Variants in GFOD2 observed in about 807,000 individuals in gnomAD.
The protein encoded by GFOD2 is Gfo/Idh/MocA-like oxidoreductase domain containing 2.
A neutral mutation model predicts 24.6 loss-of-function variants in GFOD2; 9 were observed. The ratio of observed to expected loss-of-function variants is 0.37; its 90% CI spans 0.22 to 0.64. The LOEUF is 0.64. Ranked by LOEUF, GFOD2 falls within the 30% of genes least tolerant of loss-of-function variation. The pLI is 0.65. For synonymous variants in GFOD2, 211 were observed against 224.8 expected, an observed-to-expected ratio of 0.94 and a Z score of 0.55; for missense variants, 476 against 532.5, an observed-to-expected ratio of 0.89 and a Z score of 1.04.
intron 1 of GFOD2, among the ~76,000 whole-genome samples, chr16:67,695,138 A>G (rs1226631823): frequency 6.6e-6 from 1 of 151,938 alleles, no homozygotes; most frequent in Non-Finnish European, 1.5e-5. Context: ...CTGGGGTTAC[A>G]GGCACACGCC....
chr16:67,697,019 T>G (rs2053364346), intron 1 of GFOD2, among the ~76,000 whole-genome samples: 1 of 152,190 alleles, frequency 6.6e-6, no homozygotes, highest in Admixed American at 6.5e-5. Context: ...ATCCTTCAGA[T>G]GCCTCCAAAG....
At chr16:67,677,456 C>T (rs901924951) in intron 2 of GFOD2, 2 of 152,216 alleles carry the variant, frequency 1.3e-5, no homozygotes, top group Non-Finnish European at 2.9e-5. Context: ...GGTGATCCAC[C>T]CGCCTTGGCC....
chr16:67,677,361 C>T (rs774838489), intron 2 of GFOD2: 5 of 152,192 alleles, frequency 3.3e-5, no homozygotes, highest in Non-Finnish European at 5.9e-5. Flanking sequence ...CAGGTGCCCA[C>T]CACCACGCCC....
intron 1 of GFOD2, among the ~76,000 whole-genome samples, chr16:67,686,874 T>C (rs2053270923): frequency 6.7e-6 from 1 of 150,256 alleles, no homozygotes; most frequent in Admixed American, 6.6e-5. Context: ...AGGCCGGGCG[T>C]GGTGGCTCAT....
Position 67,675,022 on chromosome 16 carries a change from G to T in GFOD2, c.*133C>A. ...AGCCACTGGAGGGGGCGAAGTCCCA[G>T]AGCCACCTCTGGCTTCACCCAGACT... is the stretch of plus-strand genomic sequence containing the variant. On this transcript the variant is annotated 3_prime_UTR_variant, in exon 3 of 3. Transcript: ENST00000268797. 9.5e-7 allele frequency: 1 copy of T among 1,048,660 alleles called. No individual in the cohort carries two copies. The highest frequency in any genetic ancestry group is 1.4e-6 in the Non-Finnish European group (1 of 722,494). The allele number at this position is 1,048,660 out of a possible 1,614,324, so 65.0% of individuals were successfully genotyped here.
At chr16:67,691,026 C>A (rs899996003) in intron 1 of GFOD2, among the ~76,000 whole-genome samples, 1 of 152,102 alleles carries the variant, frequency 6.6e-6, no homozygotes, top group Non-Finnish European at 1.5e-5. Context: ...TCATGCCCAG[C>A]TAATTTTTAT....
At chr16:67,715,721 T>TTA (rs902901982) in intron 1 of GFOD2, among the ~76,000 whole-genome samples, 1 of 152,130 alleles carries the variant, frequency 6.6e-6, no homozygotes, top group African/African-American at 2.4e-5. Flanking sequence ...ATACTGTATA[T>TTA]AAGTTCTCAA....
intron 2 of GFOD2, chr16:67,682,910 G>C: frequency 7.7e-6 from 6 of 779,888 alleles, no homozygotes; most frequent in Non-Finnish European, 9.3e-6. Context: ...TTCAGACACA[G>C]ATAGCTGGAT....
intron 1 of GFOD2, among the ~76,000 whole-genome samples, chr16:67,713,631 T>C (rs1279644919): frequency 6.6e-6 from 1 of 152,192 alleles, no homozygotes; most frequent in South Asian, 2.1e-4. Flanking sequence ...ACTGGTTTAT[T>C]ATAAAGAATA....
chr16:67,675,947 G>A lies in GFOD2; in HGVS notation c.366C>T (p.Asn122=), dbSNP rs146152087. The A allele has an allele frequency of 2.3e-4, 374 of 1,614,204 alleles. No homozygotes were observed. Among genetic ancestry groups the A allele is most frequent in the African/African-American group, 2.2e-3 (162 of 75,052 alleles). Residue 122 remains asparagine, a synonymous_variant, in exon 3 of 3, where the codon AAC becomes AAT. Transcript: ENST00000268797. ...CGAAGGCAGGCAGGAAGCGCAGCAC[G>A]TTCCCTACCAGGCTCATGAGCTGCG... The part of the protein sequence containing the change: ...YYPQLMSLVG[N]VLRFLPAFVR...
chr16:67,717,178 G>A (rs1023390668), intron 1 of GFOD2, among the ~76,000 whole-genome samples: 6 of 152,180 alleles, frequency 3.9e-5, no homozygotes, highest in Non-Finnish European at 8.8e-5. Context: ...TTACAGGCAT[G>A]AGCTACTGCG....
At chr16:67,699,118 G>A (rs965637693) in intron 1 of GFOD2, among the ~76,000 whole-genome samples, 8 of 151,970 alleles carry the variant, frequency 5.3e-5, no homozygotes, top group South Asian at 2.1e-4. Flanking sequence ...CAAGGCGGGC[G>A]GATCATGAGG....
At chr16:67,713,614 T>C (rs2142997883) in intron 1 of GFOD2, among the ~76,000 whole-genome samples, 1 of 152,242 alleles carries the variant, frequency 6.6e-6, no homozygotes, top group South Asian at 2.1e-4. Context: ...AACACTTACT[T>C]ATATTTACTG....
Position 67,688,420 on chromosome 16 carries a change from T to C in GFOD2, c.-87-2618A>G, listed in dbSNP as rs565400495. Among the ~76,000 whole-genome samples the C allele has an allele frequency of 3.8e-4, 58 of 152,336 alleles. 2 individuals are homozygous for C. In the South Asian group the frequency reaches 0.011, roughly 29 times the overall value. ...TTTTCTGAGACATGATTCTGTCTTA[T>C]TCATTGTAGAGTTTTTCTTCTGATC... On this transcript the variant is annotated intron_variant, in intron 1 of 2. Transcript: ENST00000268797.
At chr16:67,694,619 A>G in intron 1 of GFOD2, among the ~76,000 whole-genome samples, 1 of 152,058 alleles carries the variant, frequency 6.6e-6, no homozygotes, top group Non-Finnish European at 1.5e-5. Flanking sequence ...TCTCAACTTC[A>G]TTTTCAAGCC....
At chr16:67,713,138 C>G (rs1597806191) in intron 1 of GFOD2, among the ~76,000 whole-genome samples, 1 of 151,138 alleles carries the variant, frequency 6.6e-6, no homozygotes, top group Admixed American at 6.6e-5. Flanking sequence ...CCCACCTCGG[C>G]CTCCGAAAGT....
chr16:67,710,910 A>G (rs901958175), intron 1 of GFOD2, among the ~76,000 whole-genome samples: 3 of 152,120 alleles, frequency 2.0e-5, no homozygotes, highest in Non-Finnish European at 4.4e-5. Flanking sequence ...ACCTGCCGCC[A>G]TGGTCCTGAA....
intron 2 of GFOD2, chr16:67,683,784 T>G (rs1489419346): frequency 1.9e-5 from 23 of 1,226,404 alleles, no homozygotes; most frequent in Non-Finnish European, 2.3e-5. Flanking sequence ...ATGGCAGTGG[T>G]CAGGAAGAGT....
At chr16:67,718,354 A>G (rs774762903) in intron 1 of GFOD2, among the ~76,000 whole-genome samples, 1 of 152,228 alleles carries the variant, frequency 6.6e-6, no homozygotes, top group Non-Finnish European at 1.5e-5. Context: ...TAAATAAGAC[A>G]GTTAAATAAG....
Sources: gnomAD v4.1 joint callset for allele counts (sites outside exome capture counted in the v4.1 genomes callset) on GRCh38, gnomAD v4.1.1 for gene constraint, MANE v1.5 for transcripts, NCBI Gene and HGNC (gene_info 2026-07-23, HGNC 2026-07-21) for gene names.